NKAIN2: variants seen among roughly 807,000 people sequenced by gnomAD.
NKAIN2 encodes sodium/potassium-transporting ATPase subunit beta-1-interacting protein 2.
In NKAIN2, 14 loss-of-function variants were observed where a neutral mutation model predicts 32.6. The observed-to-expected ratio is 0.43, with a 90% CI of 0.28 to 0.67. The LOEUF is 0.67. Ranked by LOEUF, NKAIN2 falls within the 30% of genes least tolerant of loss-of-function variation. NKAIN2 has a pLI of 0.17. For missense variants in NKAIN2, 198 were observed against 258.3 expected (o/e 0.77, Z 1.60); for synonymous variants, 80 against 87.2 (o/e 0.92, Z 0.46).
intron 1 of NKAIN2, among the ~76,000 whole-genome samples, chr6:123,845,615 C>T (rs555812560): frequency 1.3e-5 from 2 of 152,226 alleles, no homozygotes; most frequent in South Asian, 4.1e-4. Flanking sequence ...ATTGCAAATA[C>T]AGTATTTTCT....
intron 3 of NKAIN2, among the ~76,000 whole-genome samples, chr6:124,536,948 T>C (rs542778184): frequency 4.0e-4 from 61 of 152,166 alleles, no homozygotes; most frequent in Non-Finnish European, 8.2e-4. Flanking sequence ...ATTTCAGCTT[T>C]ATGGGAAAAA....
chr6:123,936,588 G>C lies in NKAIN2; in HGVS notation c.54+132334G>C, dbSNP rs1776519980. The stretch of plus-strand genomic sequence containing the variant: ...TAATTTAACGAAGATACAAAATGAA[G>C]AGGAGTAATAATATAAAGATAATGT... On this transcript the variant is annotated intron_variant, in intron 1 of 6. Coordinates refer to ENST00000368417, the MANE Select transcript of NKAIN2 (RefSeq NM_001040214.3). Among the ~76,000 whole-genome samples, 2 of 152,066 alleles carry C rather than the reference G, an allele frequency of 1.3e-5. 1 individual carries two copies. The highest frequency in any genetic ancestry group is 4.1e-4 in the South Asian group (2 of 4,834).
At chr6:124,541,275 T>C (rs1343367377) in intron 3 of NKAIN2, among the ~76,000 whole-genome samples, 2 of 152,202 alleles carry the variant, frequency 1.3e-5, no homozygotes, top group Admixed American at 6.5e-5. Flanking sequence ...CTCTATATTA[T>C]TGAAGTTAAA....
At chr6:124,419,427 T>C (rs1364126020) in intron 3 of NKAIN2, among the ~76,000 whole-genome samples, 1 of 152,136 alleles carries the variant, frequency 6.6e-6, no homozygotes, top group Admixed American at 6.6e-5. Context: ...CTAAAGGACT[T>C]CGTTCCTTGT....
At chr6:124,644,196 A>G (rs1784085828) in intron 3 of NKAIN2, among the ~76,000 whole-genome samples, 1 of 152,120 alleles carries the variant, frequency 6.6e-6, no homozygotes, top group Non-Finnish European at 1.5e-5. Context: ...TTTAATCTGA[A>G]CTTTCTGAAG....
chr6:123,950,989 G>A (rs567749244), intron 1 of NKAIN2, among the ~76,000 whole-genome samples: 126 of 151,698 alleles, frequency 8.3e-4, no homozygotes, highest in African/African-American at 2.9e-3. Flanking sequence ...TTATGCTTTG[G>A]TTTTTATTTA....
At chr6:124,632,279 C>A (rs1012288976) in intron 3 of NKAIN2, among the ~76,000 whole-genome samples, 1 of 152,216 alleles carries the variant, frequency 6.6e-6, no homozygotes, top group African/African-American at 2.4e-5. Context: ...AGATAATGAT[C>A]ACTTTGTATA....
intron 1 of NKAIN2, among the ~76,000 whole-genome samples, chr6:124,189,768 G>A (rs1562411640): frequency 1.3e-5 from 2 of 151,980 alleles, no homozygotes; most frequent in Non-Finnish European, 2.9e-5. Context: ...CCAGAAACTA[G>A]CACATCTTTC....
rs571573445 is a variant in NKAIN2 at position 124,357,471 on chromosome 6, T to C, written c.273+2124T>C. On this transcript the variant is annotated intron_variant, in intron 3 of 6. Transcript: ENST00000368417. ...GATAGAAACTCAAAAATGGTACATA[T>C]GAAACTTCTGATAATACTAAAAGAA... Among the ~76,000 whole-genome samples the C allele has an allele frequency of 2.2e-3, 329 of 152,196 alleles. 1 individual carries two copies. Among genetic ancestry groups the C allele is most frequent in the Non-Finnish European group, 3.7e-3 (250 of 68,014 alleles).
At chr6:124,501,956 A>T (rs1778308923) in intron 3 of NKAIN2, among the ~76,000 whole-genome samples, 1 of 152,170 alleles carries the variant, frequency 6.6e-6, no homozygotes, top group South Asian at 2.1e-4. Context: ...AATTACAAAA[A>T]ATAGCTGGGC....
Position 124,593,205 on chromosome 6 carries a change from T to TTGTGTGTGTGTG in NKAIN2, c.274-64971_274-64960dup, listed in dbSNP as rs10526889. ...CAGCCATTCAAAGGAGATGAGAGTTTTGTGTGTGTGTGTGTGTGTGTTTGT... is the reference window on the plus strand; with the variant it reads ...CAGCCATTCAAAGGAGATGAGAGTTTTGTGTGTGTGTGTGTGTGTGTGTGTGTGTGTGTTTGT... On this transcript the variant is annotated intron_variant, in intron 3 of 6. Transcript: ENST00000368417. Among the ~76,000 whole-genome samples, 287 of 149,984 alleles carry TTGTGTGTGTGTG rather than the reference T, an allele frequency of 1.9e-3. 3 individuals are homozygous for TTGTGTGTGTGTG. Among genetic ancestry groups the TTGTGTGTGTGTG allele is most frequent in the Middle Eastern group, 3.4e-3 (1 of 290 alleles).
chr6:124,390,979 T>C (rs1773117936), intron 3 of NKAIN2: 1 of 152,142 alleles, frequency 6.6e-6, no homozygotes, highest in South Asian at 2.1e-4. Flanking sequence ...TTCACATTTC[T>C]GGTGCTGTTT....
intron 1 of NKAIN2, among the ~76,000 whole-genome samples, chr6:123,813,309 A>C (rs1773556035): frequency 6.6e-6 from 1 of 152,114 alleles, no homozygotes; most frequent in Non-Finnish European, 1.5e-5. Flanking sequence ...GATGCTGGGA[A>C]TCATAATTCA....
At chr6:123,842,742 T>G (rs1177847766) in intron 1 of NKAIN2, among the ~76,000 whole-genome samples, 1 of 152,154 alleles carries the variant, frequency 6.6e-6, no homozygotes, top group Non-Finnish European at 1.5e-5. Context: ...GGATCATTCT[T>G]GTTCTGAAAC....
At chr6:124,053,964 A>G (rs1010504872) in intron 1 of NKAIN2, among the ~76,000 whole-genome samples, 13 of 152,078 alleles carry the variant, frequency 8.5e-5, no homozygotes, top group Admixed American at 7.2e-4. Context: ...GGTACAGTCT[A>G]TGAGTATAAG....
chr6:123,921,160 A>G (rs550188286), intron 1 of NKAIN2, among the ~76,000 whole-genome samples: 24 of 152,226 alleles, frequency 1.6e-4, no homozygotes, highest in Non-Finnish European at 2.8e-4. Context: ...GTGAATCTTA[A>G]AGAGGAAATC....
intron 1 of NKAIN2, among the ~76,000 whole-genome samples, chr6:124,075,274 A>C (rs1783643748): frequency 6.6e-6 from 1 of 152,138 alleles, no homozygotes; most frequent in Admixed American, 6.6e-5. Context: ...GCCATTGAAA[A>C]GTTGGGTAGA....
intron 1 of NKAIN2, among the ~76,000 whole-genome samples, chr6:123,810,120 A>G (rs1204949657): frequency 2.0e-5 from 3 of 151,956 alleles, no homozygotes; most frequent in Admixed American, 2.0e-4. Flanking sequence ...GAGGCAGGTA[A>G]TAGATATTAA....
chr6:124,318,157 G>A (rs1365340847), intron 2 of NKAIN2, among the ~76,000 whole-genome samples: 5 of 151,986 alleles, frequency 3.3e-5, no homozygotes, highest in Admixed American at 3.3e-4. Context: ...TATAATAAAT[G>A]TGAGCAATAC....
Sources: allele counts gnomAD v4.1 joint callset (sites outside exome capture counted in the v4.1 genomes callset), GRCh38; gene constraint gnomAD v4.1.1; transcripts MANE v1.5; gene names NCBI Gene and HGNC (gene_info 2026-07-23, HGNC 2026-07-21).